Variants in MICU1 observed in about 807,000 individuals in gnomAD.
MICU1 encodes calcium uptake protein 1, mitochondrial.
Under a neutral mutation model 56.8 loss-of-function variants are expected in MICU1, and 45 were observed. That is an observed-to-expected ratio of 0.79 (90% CI 0.62 to 1.02). The LOEUF (loss-of-function observed/expected upper bound fraction) is 1.02. Ranked by LOEUF, MICU1 falls within the 50% of genes least tolerant of loss-of-function variation. The pLI is 0.00. For missense variants in MICU1, 504 were observed against 587.1 expected (o/e 0.86, Z 1.46); for synonymous variants, 186 against 195.1 (o/e 0.95, Z 0.39).
At chr10:72,573,181 A>T (rs943291110) in intron 1 of MICU1, among the ~76,000 whole-genome samples, 1 of 151,982 alleles carries the variant, frequency 6.6e-6, no homozygotes, top group Admixed American at 6.6e-5. Context: ...TCTTTTTAAA[A>T]GCAATAGGCC....
chr10:72,573,891 G>A (rs1013937117), intron 1 of MICU1, among the ~76,000 whole-genome samples: 11 of 152,154 alleles, frequency 7.2e-5, no homozygotes, highest in African/African-American at 2.2e-4. Context: ...TAAACTTTAT[G>A]TAAATCAAGC....
intron 8 of MICU1, among the ~76,000 whole-genome samples, chr10:72,426,666 G>A (rs961582404): frequency 6.6e-6 from 1 of 152,090 alleles, no homozygotes; most frequent in East Asian, 1.9e-4. Flanking sequence ...CCAAAGTGCT[G>A]GGATTACAGG....
chr10:72,368,703 G>A (rs1461800266), intron 11 of MICU1, among the ~76,000 whole-genome samples: 1 of 152,152 alleles, frequency 6.6e-6, no homozygotes, highest in Non-Finnish European at 1.5e-5. Context: ...TGGGGTAAAC[G>A]GAGGATGCTA....
intron 7 of MICU1, among the ~76,000 whole-genome samples, chr10:72,476,395 AT>A (rs925784296): frequency 4.0e-5 from 6 of 151,506 alleles, no homozygotes; most frequent in South Asian, 4.2e-4. Flanking sequence ...ATCCCAGCTA[AT>A]TTTTTTTCCC....
At chr10:72,441,926 A>G (rs760853445) in intron 8 of MICU1, among the ~76,000 whole-genome samples, 43 of 151,846 alleles carry the variant, frequency 2.8e-4, no homozygotes, top group African/African-American at 7.5e-4. Flanking sequence ...TCTCAAGTCA[A>G]TATCTTTAAA....
chr10:72,532,795 G>C, intron 5 of MICU1: 1 of 946,250 alleles, frequency 1.1e-6, no homozygotes, highest in Non-Finnish European at 1.3e-6. Flanking sequence ...TTTTAGGCAG[G>C]TGGCCTTAGC....
intron 1 of MICU1, among the ~76,000 whole-genome samples, chr10:72,620,303 G>A (rs2132589284): frequency 6.6e-6 from 1 of 152,190 alleles, no homozygotes; most frequent in East Asian, 1.9e-4. Flanking sequence ...TCATGCCTCA[G>A]CCTCCCAAGC....
At chr10:72,604,639 T>A (rs1039522041) in intron 1 of MICU1, among the ~76,000 whole-genome samples, 2 of 152,216 alleles carry the variant, frequency 1.3e-5, no homozygotes, top group South Asian at 4.1e-4. Flanking sequence ...TTAAAAAGAA[T>A]CTCCCTTTCT....
At chr10:72,560,480 A>G (rs987926417) in intron 3 of MICU1, 2 of 152,262 alleles carry the variant, frequency 1.3e-5, no homozygotes, top group Admixed American at 6.5e-5. Flanking sequence ...TAATTCATCC[A>G]TGAAACAGAT....
intron 6 of MICU1, among the ~76,000 whole-genome samples, chr10:72,506,954 T>C (rs1867272872): frequency 6.6e-6 from 1 of 152,160 alleles, no homozygotes; most frequent in Non-Finnish European, 1.5e-5. Flanking sequence ...AAGTCAGCTG[T>C]GGCAAGGCAT....
chr10:72,473,619 G>A lies in MICU1; in HGVS notation c.933+1481C>T, dbSNP rs1457440920. Among the ~76,000 whole-genome samples the A allele has an allele frequency of 7.9e-5, 12 of 152,064 alleles. No homozygotes were observed. The South Asian group carries it at 8.3e-4, about 11-fold the overall frequency. On this transcript the variant is annotated intron_variant, in intron 8 of 11. Transcript: ENST00000361114. ...GACCATTTAGACACTCCAGTGCACC[G>A]AACATGTACATCTTTGGGATATGAG...
intron 9 of MICU1, among the ~76,000 whole-genome samples, chr10:72,409,031 T>C (rs1057421402): frequency 6.6e-6 from 1 of 152,184 alleles, no homozygotes; most frequent in African/African-American, 2.4e-5. Context: ...AAATAGGGGC[T>C]ACTGGGAATT....
intron 1 of MICU1, among the ~76,000 whole-genome samples, chr10:72,609,925 G>C (rs1564511618): frequency 6.6e-6 from 1 of 151,272 alleles, no homozygotes; most frequent in Admixed American, 6.6e-5. Context: ...ATCCTAGCTA[G>C]TCCGGAAGCT....
intron 6 of MICU1, among the ~76,000 whole-genome samples, chr10:72,496,721 C>A (rs1295883815): frequency 2.0e-5 from 3 of 152,136 alleles, no homozygotes; most frequent in Non-Finnish European, 4.4e-5. Flanking sequence ...CAGGCGTGAG[C>A]CACCGTGCCT....
intron 1 of MICU1, among the ~76,000 whole-genome samples, chr10:72,593,358 G>C (rs1224901919): frequency 6.6e-6 from 1 of 151,984 alleles, no homozygotes; most frequent in Admixed American, 6.6e-5. Flanking sequence ...CCAGCACTTT[G>C]GGAGGCTTAG....
intron 8 of MICU1, among the ~76,000 whole-genome samples, chr10:72,464,546 G>GTA (rs1401912622): frequency 2.0e-5 from 3 of 152,056 alleles, no homozygotes; most frequent in Non-Finnish European, 4.4e-5. Flanking sequence ...GTAACATGCT[G>GTA]TATAGGTTTG....
chr10:72,481,694 G>A (rs1401939022), intron 6 of MICU1, among the ~76,000 whole-genome samples: 1 of 152,178 alleles, frequency 6.6e-6, no homozygotes, highest in Non-Finnish European at 1.5e-5. Context: ...TTACAGGCGT[G>A]AGCCACAGCG....
At chr10:72,499,479 T>C (rs955290475) in intron 6 of MICU1, among the ~76,000 whole-genome samples, 1 of 152,204 alleles carries the variant, frequency 6.6e-6, no homozygotes, top group Non-Finnish European at 1.5e-5. Context: ...AATAACACAT[T>C]GTGATACTTT....
chr10:72,515,605 C>A (rs1375686624), intron 5 of MICU1, among the ~76,000 whole-genome samples: 3 of 152,118 alleles, frequency 2.0e-5, no homozygotes, highest in Admixed American at 2.0e-4. Context: ...AAATGAGAAA[C>A]CTGGTTCCCA....
Sources: gnomAD v4.1 joint callset for allele counts (sites outside exome capture counted in the v4.1 genomes callset) on GRCh38, gnomAD v4.1.1 for gene constraint, MANE v1.5 for transcripts, NCBI Gene and HGNC (gene_info 2026-07-23, HGNC 2026-07-21) for gene names.